SCGN: variants seen among roughly 807,000 people sequenced by gnomAD.
The protein encoded by SCGN is secretagogin, EF-hand calcium binding protein.
In SCGN, 30 loss-of-function variants were observed where a neutral mutation model predicts 39.7. That is an observed-to-expected ratio of 0.76 (90% confidence interval 0.57 to 1.03). The LOEUF is 1.03. SCGN is among the 50% of genes least tolerant of loss of function. SCGN has a pLI of 0.00. For synonymous variants in SCGN, 106 were observed against 114.1 expected (o/e 0.93, Z 0.45); for missense variants, 353 against 349.4 (o/e 1.01, Z -0.08).
Position 25,689,545 on chromosome 6 carries a change from C to CT in SCGN, c.633+16dup, listed in dbSNP as rs1200416219. The CT allele has an allele frequency of 2.5e-6, 4 of 1,611,068 alleles. No individual in the cohort carries two copies. In the South Asian group the frequency reaches 4.4e-5, roughly 18 times the overall value. ...CTACTATGATGTTGTAAGTGTGCGT[C>CT]TTTATACTGTGCTGGCCATCTCTGA... On this transcript the variant is annotated intron_variant, in intron 9 of 10. Transcript: ENST00000377961.
chr6:25,680,439 C>T (rs1221331771), intron 6 of SCGN, among the ~76,000 whole-genome samples: 2 of 152,162 alleles, frequency 1.3e-5, no homozygotes, highest in South Asian at 2.1e-4. Flanking sequence ...CTTATTCTTA[C>T]GTGAGCCATA....
At chr6:25,668,807 A>G (rs1001634022) in intron 4 of SCGN, among the ~76,000 whole-genome samples, 2 of 152,124 alleles carry the variant, frequency 1.3e-5, no homozygotes, top group African/African-American at 4.8e-5. Context: ...CTTGCGATCT[A>G]TGCTATGTAA....
chr6:25,674,939 C>T (rs1759546086), intron 6 of SCGN, among the ~76,000 whole-genome samples: 1 of 152,244 alleles, frequency 6.6e-6, no homozygotes, highest in Admixed American at 6.5e-5. Flanking sequence ...ATAATTCTGG[C>T]TGATGTTAAA....
rs184665596 is a variant in SCGN at position 25,663,613 on chromosome 6, A to G, written c.247-1330A>G. Among the ~76,000 whole-genome samples, 4 of 152,340 alleles carry G rather than the reference A, an allele frequency of 2.6e-5. No individual in the cohort carries two copies. In the East Asian group the frequency reaches 7.7e-4, roughly 29 times the overall value. ...ACTGAGGCACAGATATATTAACTAA[A>G]TTACCTAAGATCAAATACTTAGTAA... On this transcript the variant is annotated intron_variant, in intron 3 of 10. Coordinates refer to ENST00000377961, the MANE Select transcript of SCGN (RefSeq NM_006998.4).
intron 2 of SCGN, among the ~76,000 whole-genome samples, chr6:25,658,285 C>T (rs1269449522): frequency 6.6e-6 from 1 of 151,676 alleles, no homozygotes; most frequent in Non-Finnish European, 1.5e-5. Flanking sequence ...GTGATCCACC[C>T]ACCTGAGCCT....
At chr6:25,685,267 G>A (rs927375151) in intron 7 of SCGN, among the ~76,000 whole-genome samples, 8 of 152,178 alleles carry the variant, frequency 5.3e-5, no homozygotes, top group African/African-American at 1.9e-4. Context: ...GTGTGTCGCA[G>A]CAGCACTAGG....
At chr6:25,670,719 T>C (rs561091684) in intron 6 of SCGN, among the ~76,000 whole-genome samples, 8 of 152,362 alleles carry the variant, frequency 5.3e-5, no homozygotes, top group African/African-American at 1.9e-4. Flanking sequence ...GTTCCCCTCA[T>C]GTCATCCTTG....
chr6:25,653,454 T>C lies in SCGN; in HGVS notation c.153+2T>C, dbSNP rs376703357. 1.2e-5 allele frequency: 19 copies of C among 1,609,492 alleles called. No homozygotes were observed. The highest frequency in any genetic ancestry group is 1.6e-5 in the Non-Finnish European group (19 of 1,176,224). ...ATGTTGATGAAACTGGGTACTGATG[T>C]AAGTACTTGCACACTAAGCCTTAAT... On this transcript the variant is annotated splice_donor_variant, in intron 2 of 10. Coordinates refer to ENST00000377961, the MANE Select transcript of SCGN (RefSeq NM_006998.4). LOFTEE classifies it high-confidence loss of function.
In SCGN at chr6:25,693,748, C is replaced by G. The variant is rs1759803868; in HGVS notation, c.702+2624C>G. ...CTGATTATAAAATTCTCTCTGCATA[C>G]TATAGAAAAATGTTGAAAATAAAGG... On this transcript the variant is annotated intron_variant, in intron 10 of 10. Coordinates refer to ENST00000377961, the MANE Select transcript of SCGN (RefSeq NM_006998.4). Among the ~76,000 whole-genome samples the G allele has an allele frequency of 2.0e-5, 3 of 152,106 alleles. No individual in the cohort carries two copies. The South Asian group carries it at 6.2e-4, about 32-fold the overall frequency.
chr6:25,691,039 G>A lies in SCGN; in HGVS notation c.634-17G>A, dbSNP rs1272560408. 6.2e-7 allele frequency: 1 copy of A among 1,608,638 alleles called. No homozygotes were observed. Among genetic ancestry groups the A allele is most frequent in the South Asian group, 1.1e-5 (1 of 90,350 alleles). ...TAAGAAACTGATATTTGGGCAATTG[G>A]ATCTTTTCTTTTTCAGAGTAAAACA... On this transcript the variant is annotated splice_polypyrimidine_tract_variant and intron_variant, in intron 9 of 10. Coordinates refer to ENST00000377961, the MANE Select transcript of SCGN (RefSeq NM_006998.4).
chr6:25,679,748 A>T (rs142427929), intron 6 of SCGN, among the ~76,000 whole-genome samples: 1 of 152,334 alleles, frequency 6.6e-6, no homozygotes, highest in East Asian at 1.9e-4. Flanking sequence ...CTTTAGGGGA[A>T]ATTCAGGCCA....
rs2151378213 is a variant in SCGN, at chr6:25,665,037, G to A, written c.336+5G>A. On this transcript the variant is annotated splice_donor_5th_base_variant and intron_variant, in intron 4 of 10. Coordinates refer to ENST00000377961, the MANE Select transcript of SCGN (RefSeq NM_006998.4). ...AGCAGCGTGGAGTTTATGCAGGTGA[G>A]TGCTTGGTTGTGTCTCTGTGAAGAA... 1.2e-6 allele frequency: 2 copies of A among 1,607,956 alleles called. No homozygotes were observed. Among genetic ancestry groups the A allele is most frequent in the East Asian group, 2.2e-5 (1 of 44,858 alleles).
At chr6:25,667,513 G>A (rs966991125) in intron 4 of SCGN, among the ~76,000 whole-genome samples, 1 of 152,102 alleles carries the variant, frequency 6.6e-6, no homozygotes, top group African/African-American at 2.4e-5. Flanking sequence ...CAGCTCATGT[G>A]CCATTATTGT....
intron 7 of SCGN, among the ~76,000 whole-genome samples, chr6:25,686,488 TGTC>T (rs1277715412): frequency 3.3e-5 from 5 of 152,234 alleles, no homozygotes; most frequent in Non-Finnish European, 7.4e-5. Context: ...GCAATTTGTA[TGTC>T]TTCTTTGGAG....
At chr6:25,677,428 CAAAT>C (rs1759578461) in intron 6 of SCGN, among the ~76,000 whole-genome samples, 1 of 152,016 alleles carries the variant, frequency 6.6e-6, no homozygotes, top group South Asian at 2.1e-4. Flanking sequence ...AATTACCTGA[CAAAT>C]AATTGTCAAT....
At chr6:25,661,685 T>C in intron 3 of SCGN, 41 bp downstream of exon 3, 1 of 1,329,412 alleles carries the variant, frequency 7.5e-7, no homozygotes, top group Non-Finnish European at 1.1e-6. Flanking sequence ...CTACTCTTCT[T>C]GACTGTTTTT....
chr6:25,680,522 CA>C lies in SCGN; in HGVS notation c.472-1428del, dbSNP rs577172321. 3.9e-3 allele frequency among the ~76,000 whole-genome samples: 595 copies of C among 152,258 alleles called. 2 individuals carry two copies. Among genetic ancestry groups the C allele is most frequent in the African/African-American group, 0.014 (583 of 41,550 alleles). On this transcript the variant is annotated intron_variant, in intron 6 of 10. Transcript: ENST00000377961. ...GTTCAACCCAGGCCAATTTCGAGCA[CA>C]GGATTGTTTTCTCTTGGAGTAAGTT... is the stretch of plus-strand genomic sequence containing the variant.
At chr6:25,679,916 T>C (rs1759616719) in intron 6 of SCGN, among the ~76,000 whole-genome samples, 1 of 152,164 alleles carries the variant, frequency 6.6e-6, no homozygotes, top group Admixed American at 6.5e-5. Flanking sequence ...TGATGAGATA[T>C]CCAGACTTTA....
At chr6:25,656,062 C>A (rs1026080467) in intron 2 of SCGN, among the ~76,000 whole-genome samples, 3 of 152,218 alleles carry the variant, frequency 2.0e-5, no homozygotes, top group Non-Finnish European at 4.4e-5. Flanking sequence ...ATTAAGGAAG[C>A]TATTCCTAAT....
Sources: gnomAD v4.1 joint callset for allele counts (sites outside exome capture counted in the v4.1 genomes callset) on GRCh38, gnomAD v4.1.1 for gene constraint, MANE v1.5 for transcripts, NCBI Gene and HGNC (gene_info 2026-07-23, HGNC 2026-07-21) for gene names.